The following DNAJC10 variants were observed in gnomAD, a reference collection of about 807,000 sequenced individuals.
DNAJC10 encodes endoplasmic reticulum disulfide reductase DNAJC10.
In DNAJC10, 101 loss-of-function variants were observed where a neutral mutation model predicts 115.0. That is an observed-to-expected ratio of 0.88 (90% CI 0.75 to 1.04). DNAJC10 has a LOEUF of 1.04. DNAJC10 is among the 50% of genes least tolerant of loss of function. DNAJC10 has a pLI of 0.00. For synonymous variants in DNAJC10, 307 were observed against 301.5 expected (o/e 1.02, Z -0.19); for missense variants, 981 against 928.8 (o/e 1.06, Z -0.73).
At chr2:182,754,785 G>A in intron 16 of DNAJC10, 8 of 1,291,764 alleles carry the variant, frequency 6.2e-6, no homozygotes, top group Non-Finnish European at 7.9e-6. Flanking sequence ...GGCGAATGGA[G>A]CAGCTATAAA....
rs1695027150 is a variant in DNAJC10 at position 182,790,378 on chromosome 2, C to T, written c.*13246C>T. 6.6e-6 allele frequency: 1 copy of T among 152,148 alleles called. No individual in the cohort carries two copies. The highest frequency in any genetic ancestry group is 1.5e-5 in the Non-Finnish European group (1 of 68,030). 9.4% of individuals were successfully genotyped at this position (152,148 alleles called of 1,614,324 possible). A position where few individuals can be genotyped will look rare whatever the true frequency, so the allele number is the denominator to read the frequency against. On this transcript the variant is annotated 3_prime_UTR_variant, in exon 24 of 24. Coordinates refer to ENST00000264065, the MANE Select transcript of DNAJC10 (RefSeq NM_018981.4). ...TGTGAAACTTGAGAAAACTGCAAAT[C>T]TAATACCTTGGTCTTACAGAACTGA...
At chr2:182,724,372 A>G (rs903894573) in intron 5 of DNAJC10, among the ~76,000 whole-genome samples, 1 of 152,234 alleles carries the variant, frequency 6.6e-6, no homozygotes, top group African/African-American at 2.4e-5. Flanking sequence ...AAAATTTAAC[A>G]TTGTAAAAAT....
At chr2:182,748,787 G>T (rs1212166076) in intron 14 of DNAJC10, among the ~76,000 whole-genome samples, 1 of 151,978 alleles carries the variant, frequency 6.6e-6, no homozygotes, top group East Asian at 1.9e-4. Flanking sequence ...TCTCTTGTGG[G>T]CATTTAGTGC....
In DNAJC10 at chr2:182,749,209, C is replaced by G. The variant is rs867979178; in HGVS notation, c.1307-2449C>G. Among the ~76,000 whole-genome samples, 1,070 of 136,932 alleles carry G rather than the reference C, an allele frequency of 7.8e-3. 7 individuals are homozygous for G. The highest frequency in any genetic ancestry group is 0.036 in the South Asian group (144 of 3,962). 89.8% of individuals were successfully genotyped at this position (136,932 alleles called of 152,430 possible). On this transcript the variant is annotated intron_variant, in intron 14 of 23. Coordinates refer to ENST00000264065, the MANE Select transcript of DNAJC10 (RefSeq NM_018981.4). ...GAGCTGAGTTTAATTCCTGGGTATCCTTGTTGACTTTCTGTCTCGTTGATC... is the reference window on the plus strand; with the variant it reads ...GAGCTGAGTTTAATTCCTGGGTATCGTTGTTGACTTTCTGTCTCGTTGATC...
intron 5 of DNAJC10, among the ~76,000 whole-genome samples, chr2:182,725,333 AT>A (rs1336148171): frequency 8.5e-5 from 13 of 152,296 alleles, no homozygotes; most frequent in Admixed American, 3.9e-4. Context: ...AGAGATGCAC[AT>A]CTCTCATTTT....
At chr2:182,738,326 T>C (rs1055339344) in intron 11 of DNAJC10, among the ~76,000 whole-genome samples, 7 of 152,210 alleles carry the variant, frequency 4.6e-5, no homozygotes, top group African/African-American at 1.7e-4. Context: ...GTTGTACTAG[T>C]TTATTCTGTG....
In DNAJC10 at chr2:182,777,162, A is replaced by G. The variant is rs773672600; in HGVS notation, c.*30A>G. ...GTTGAAGATGAAGAAAAAGTTTAAA[A>G]GAAATTCTGACAGATGACATCAGAA... On this transcript the variant is annotated 3_prime_UTR_variant, in exon 24 of 24. Transcript: ENST00000264065. 37 of 1,343,720 alleles carry G rather than the reference A, an allele frequency of 2.8e-5. No individual in the cohort carries two copies. Among genetic ancestry groups the G allele is most frequent in the Non-Finnish European group, 3.1e-5 (31 of 992,284 alleles). The allele number at this position is 1,343,720 out of a possible 1,614,324, so 83.2% of individuals were successfully genotyped here.
chr2:182,757,602 T>C, intron 18 of DNAJC10, 90 bp from the exon 19 acceptor site: 7 of 963,678 alleles, frequency 7.3e-6, no homozygotes, highest in Non-Finnish European at 8.5e-6. Context: ...AATAATATAA[T>C]AACTGTTTCA....
At chr2:182,735,276 CAG>C (rs1306965840) in intron 10 of DNAJC10, among the ~76,000 whole-genome samples, 3 of 151,778 alleles carry the variant, frequency 2.0e-5, no homozygotes, top group African/African-American at 4.8e-5. Flanking sequence ...GAGTACTAAA[CAG>C]AAATTATTTT....
At chr2:182,748,696 A>C (rs1693937201) in intron 14 of DNAJC10, among the ~76,000 whole-genome samples, 2 of 151,850 alleles carry the variant, frequency 1.3e-5, no homozygotes, top group African/African-American at 4.8e-5. Context: ...TCTTTCTGCT[A>C]GCTTTTGAAT....
chr2:182,743,592 C>G lies in DNAJC10; in HGVS notation c.1192-6C>G. The G allele has an allele frequency of 1.9e-6, 3 of 1,600,510 alleles. No homozygotes were observed. Among genetic ancestry groups the G allele is most frequent in the South Asian group, 2.2e-5 (2 of 89,954 alleles). ...TTTTATCAAATTTGACCTTTTTCTC[C>G]TTTAGGTTGGCAGGTTTGACTGTTC... On this transcript the variant is annotated splice_polypyrimidine_tract_variant and splice_region_variant and intron_variant, in intron 13 of 23. Coordinates refer to ENST00000264065, the MANE Select transcript of DNAJC10 (RefSeq NM_018981.4).
Position 182,778,682 on chromosome 2 carries a change from CTGTCTGGATTCTGCTG to C in DNAJC10, c.*1552_*1567del, listed in dbSNP as rs1694771902. On this transcript the variant is annotated 3_prime_UTR_variant, in exon 24 of 24. Coordinates refer to ENST00000264065, the MANE Select transcript of DNAJC10 (RefSeq NM_018981.4). Reference sequence around the variant, plus strand: ...CCCATCTTTTTCGCTACTATATACTCTGTCTGGATTCTGCTGTATGCCTGTTGGCATATATGGAACA... The same window carrying C: ...CCCATCTTTTTCGCTACTATATACTCTATGCCTGTTGGCATATATGGAACA... 1 of 152,206 alleles carries C rather than the reference CTGTCTGGATTCTGCTG, an allele frequency of 6.6e-6. No homozygotes were observed. Among genetic ancestry groups the C allele is most frequent in the African/African-American group, 2.4e-5 (1 of 41,450 alleles). The allele number at this position is 152,206 out of a possible 1,614,324, so 9.4% of individuals were successfully genotyped here. A position where few individuals can be genotyped will look rare whatever the true frequency, so the allele number is the denominator to read the frequency against.
At chr2:182,767,487 G>C (rs1694443823) in intron 22 of DNAJC10, among the ~76,000 whole-genome samples, 1 of 152,110 alleles carries the variant, frequency 6.6e-6, no homozygotes, top group South Asian at 2.1e-4. Flanking sequence ...TTATGCATGG[G>C]TCCCATCCTC....
intron 13 of DNAJC10, among the ~76,000 whole-genome samples, chr2:182,742,079 TA>T (rs1447649113): frequency 6.6e-6 from 1 of 152,244 alleles, no homozygotes; most frequent in East Asian, 1.9e-4. Flanking sequence ...AGTGGCTTAC[TA>T]TATGGTTATG....
At chr2:182,757,436 T>A (rs1694184416) in intron 18 of DNAJC10, among the ~76,000 whole-genome samples, 1 of 152,172 alleles carries the variant, frequency 6.6e-6, no homozygotes, top group Non-Finnish European at 1.5e-5. Context: ...AAGTATATAG[T>A]TTTTTCTCAT....
intron 14 of DNAJC10, among the ~76,000 whole-genome samples, chr2:182,746,600 G>C (rs1693874172): frequency 6.6e-6 from 1 of 152,008 alleles, no homozygotes; most frequent in African/African-American, 2.4e-5. Context: ...TTGTAAATTT[G>C]TGTGAGTTCA....
chr2:182,722,133 C>T, intron 5 of DNAJC10, 58 bp downstream of exon 5: 1 of 1,170,382 alleles, frequency 8.5e-7, no homozygotes, highest in Non-Finnish European at 1.2e-6. Context: ...TCATCTAAAA[C>T]TCTAGGGGAT....
intron 22 of DNAJC10, among the ~76,000 whole-genome samples, chr2:182,770,509 TCTC>T (rs1694532925): frequency 6.6e-6 from 1 of 152,154 alleles, no homozygotes; most frequent in Admixed American, 6.6e-5. Flanking sequence ...GGTTTGTAGT[TCTC>T]CTTGAAGAGG....
chr2:182,777,242 A>G lies in DNAJC10; in HGVS notation c.*110A>G. ...TGGGAATGAATGAACATTATCTTAG[A>G]CTTGCAGTTGTACTGCCAGAATTAT... On this transcript the variant is annotated 3_prime_UTR_variant, in exon 24 of 24. Transcript: ENST00000264065. 2 of 691,058 alleles carry G rather than the reference A, an allele frequency of 2.9e-6. No individual in the cohort carries two copies. Among genetic ancestry groups the G allele is most frequent in the Non-Finnish European group, 4.4e-6 (2 of 457,972 alleles). 42.8% of individuals were successfully genotyped at this position (691,058 alleles called of 1,614,324 possible). A position where few individuals can be genotyped will look rare whatever the true frequency, so the allele number is the denominator to read the frequency against.
Sources: allele counts gnomAD v4.1 joint callset (sites outside exome capture counted in the v4.1 genomes callset), GRCh38; gene constraint gnomAD v4.1.1; transcripts MANE v1.5; gene names NCBI Gene and HGNC (gene_info 2026-07-23, HGNC 2026-07-21).